Variants in TRMT11 observed in about 807,000 individuals in gnomAD.
The protein encoded by TRMT11 is tRNA methyltransferase 11, also known as tRNA (guanine(10)-N(2))-methyltransferase TRMT11.
Under a neutral mutation model 62.8 loss-of-function variants are expected in TRMT11, and 53 were observed. That is an observed-to-expected ratio of 0.84 (90% CI 0.68 to 1.06). The LOEUF (loss-of-function observed/expected upper bound fraction) is 1.06. Among genes scored for constraint, TRMT11 ranks in the 50% least tolerant of loss-of-function variants. TRMT11 has a pLI of 0.00. For missense variants in TRMT11, 556 were observed against 553.4 expected (o/e 1.00, Z -0.05); for synonymous variants, 188 against 190.3 (o/e 0.99, Z 0.10).
the TRMT11 span, among the ~76,000 whole-genome samples, chr6:126,215,885 C>A: frequency 6.6e-6 from 1 of 152,044 alleles, no homozygotes; most frequent in Non-Finnish European, 1.5e-5. Flanking sequence ...AATTTAATTT[C>A]ATCTCCCTAC....
the TRMT11 span, among the ~76,000 whole-genome samples, chr6:126,257,451 T>C: frequency 6.6e-6 from 1 of 152,090 alleles, no homozygotes; most frequent in Admixed American, 6.5e-5. Context: ...AATATTGGCC[T>C]ATAGTTTTCT....
At chr6:125,998,832 G>T in intron 6 of TRMT11, 148 bp downstream of exon 6, 1 of 720,786 alleles carries the variant, frequency 1.4e-6, no homozygotes, top group Non-Finnish European at 2.1e-6. Context: ...ATGTGATTAT[G>T]TTTTGTTTTG....
intron 21 of TRMT11, among the ~76,000 whole-genome samples, chr6:126,166,364 T>G (rs1480351727): frequency 4.0e-5 from 6 of 151,858 alleles, no homozygotes; most frequent in Non-Finnish European, 5.9e-5. Flanking sequence ...TTCCTTTCTG[T>G]TTTTTTTCCT....
At chr6:126,045,619 T>A (rs943592451) in intron 16 of TRMT11, among the ~76,000 whole-genome samples, 12 of 152,176 alleles carry the variant, frequency 7.9e-5, no homozygotes, top group Non-Finnish European at 1.5e-4. Flanking sequence ...CTAACCCTTT[T>A]CTGGGCGTTT....
chr6:126,228,854 G>A, the TRMT11 span, among the ~76,000 whole-genome samples: 2 of 152,322 alleles, frequency 1.3e-5, no homozygotes, highest in East Asian at 3.9e-4. Context: ...CGTAGTTACT[G>A]TCAACTTCTT....
chr6:126,240,576 T>C, the TRMT11 span, among the ~76,000 whole-genome samples: 1 of 152,160 alleles, frequency 6.6e-6, no homozygotes, highest in Non-Finnish European at 1.5e-5. Flanking sequence ...GGAAGTTTTG[T>C]CTCAGAGGAG....
At chr6:126,041,924 T>C (rs1044112174), downstream of TRMT11, among the ~76,000 whole-genome samples, 5 of 152,176 alleles carry the variant, frequency 3.3e-5, no homozygotes, top group Non-Finnish European at 7.4e-5. Context: ...ACTGTATTCA[T>C]AGAATAAGTG....
chr6:126,038,991 T>C lies in TRMT11; in HGVS notation c.*155T>C, dbSNP rs1345567042. ...AAATTGAGCAATGCTTTTAAAGTTATCTTTGTTTTATAGACTTTTTTGTTG... is the reference window on the plus strand; with the variant it reads ...AAATTGAGCAATGCTTTTAAAGTTACCTTTGTTTTATAGACTTTTTTGTTG... On this transcript the variant is annotated 3_prime_UTR_variant, in exon 13 of 13. Transcript: ENST00000334379. 3 of 617,518 alleles carry C rather than the reference T, an allele frequency of 4.9e-6. No individual in the cohort carries two copies. Among genetic ancestry groups the C allele is most frequent in the East Asian group, 3.1e-5 (1 of 31,998 alleles). 38.3% of individuals were successfully genotyped at this position (617,518 alleles called of 1,614,324 possible). A position where few individuals can be genotyped will look rare whatever the true frequency, so the allele number is the denominator to read the frequency against.
Position 126,118,814 on chromosome 6 carries a change from A to G in TRMT11, c.*1823+2959A>G, listed in dbSNP as rs1777617033. Among the ~76,000 whole-genome samples the G allele has an allele frequency of 2.0e-5, 3 of 152,136 alleles. No homozygotes were observed. The South Asian group carries it at 6.2e-4, about 31-fold the overall frequency. On this transcript the variant is annotated intron_variant and NMD_transcript_variant, in intron 21 of 22. Transcript: ENST00000648977. The stretch of plus-strand genomic sequence containing the variant: ...AAAATTATAGAAATCACTAAAGTTC[A>G]GAGGGAGATCTCTTTATTATATTTC...
At chr6:126,147,897 G>T (rs760964464) in intron 21 of TRMT11, among the ~76,000 whole-genome samples, 3 of 151,974 alleles carry the variant, frequency 2.0e-5, no homozygotes, top group Non-Finnish European at 4.4e-5. Flanking sequence ...GGCCTGTCGT[G>T]GGGGTAGGGG....
chr6:125,997,113 A>T (rs1791646266), intron 3 of TRMT11, among the ~76,000 whole-genome samples: 1 of 152,212 alleles, frequency 6.6e-6, no homozygotes, highest in African/African-American at 2.4e-5. Context: ...CACAATTAAC[A>T]GTTGTATAAT....
chr6:126,088,603 A>T (rs569705209), intron 17 of TRMT11, among the ~76,000 whole-genome samples: 1 of 152,334 alleles, frequency 6.6e-6, no homozygotes, highest in South Asian at 2.1e-4. Context: ...GTTTCTATCA[A>T]CTGCCCAGTA....
At chr6:126,092,271 G>A (rs977369666) in intron 17 of TRMT11, among the ~76,000 whole-genome samples, 1 of 151,372 alleles carries the variant, frequency 6.6e-6, no homozygotes, top group East Asian at 1.9e-4. Context: ...CCCAAGAATG[G>A]GTAATTTATA....
At chr6:126,190,152 T>C (rs1778579616) in intron 1 of TRMT11, among the ~76,000 whole-genome samples, 1 of 152,182 alleles carries the variant, frequency 6.6e-6, no homozygotes, top group East Asian at 1.9e-4. Flanking sequence ...GAATTTGTTT[T>C]TTCTAACTGC....
chr6:126,005,786 A>G (rs1181439767), intron 7 of TRMT11, among the ~76,000 whole-genome samples: 4 of 151,978 alleles, frequency 2.6e-5, no homozygotes, highest in Admixed American at 1.3e-4. Context: ...GTGCAAGTGG[A>G]TGCCAGTTGC....
At chr6:126,081,521 A>T (rs1475103457) in intron 17 of TRMT11, among the ~76,000 whole-genome samples, 2 of 152,160 alleles carry the variant, frequency 1.3e-5, no homozygotes, top group Non-Finnish European at 1.5e-5. Flanking sequence ...GTGGGACATA[A>T]ACCCTACAAA....
intron 21 of TRMT11, among the ~76,000 whole-genome samples, chr6:126,167,486 A>G (rs371322938): frequency 1.1e-3 from 173 of 152,282 alleles, no homozygotes; most frequent in African/African-American, 4.0e-3. Context: ...GGGTACCTCA[A>G]TTGGAAATGC....
chr6:126,156,633 A>G (rs763897128), intron 21 of TRMT11, among the ~76,000 whole-genome samples: 5 of 152,246 alleles, frequency 3.3e-5, no homozygotes, highest in Non-Finnish European at 7.3e-5. Flanking sequence ...CTGTACAAGC[A>G]TGGCTCCAGC....
intron 16 of TRMT11, among the ~76,000 whole-genome samples, chr6:126,050,510 G>C (rs138897840): frequency 3.4e-4 from 52 of 152,108 alleles, no homozygotes; most frequent in African/African-American, 1.2e-3. Context: ...CGAGACCAGC[G>C]TGGGCAACAT....
Sources: gnomAD v4.1 joint callset for allele counts (sites outside exome capture counted in the v4.1 genomes callset) on GRCh38, gnomAD v4.1.1 for gene constraint, MANE v1.5 for transcripts, NCBI Gene and HGNC (gene_info 2026-07-23, HGNC 2026-07-21) for gene names.